The following JPH2 variants were observed in gnomAD, a reference collection of about 807,000 sequenced individuals.
The protein encoded by JPH2 is junctophilin 2.
JPH2 carries 38 observed loss-of-function variants against 55.9 expected under a neutral mutation model. The observed-to-expected ratio is 0.68, with a 90% CI of 0.52 to 0.89. The LOEUF is 0.89. JPH2 is among the 40% of genes least tolerant of loss of function. The pLI is 0.00. For missense variants in JPH2, 964 were observed against 1,037.6 expected (o/e 0.93, Z 0.97); for synonymous variants, 480 against 472.4 (o/e 1.02, Z -0.21).
intron 2 of JPH2, among the ~76,000 whole-genome samples, chr20:44,136,862 T>C (rs1411393708): frequency 2.0e-5 from 3 of 152,214 alleles, no homozygotes; most frequent in Non-Finnish European, 4.4e-5. Context: ...ATGTAAATTG[T>C]GGCATGTGAA....
intron 2 of JPH2, among the ~76,000 whole-genome samples, chr20:44,128,693 T>C (rs1318757491): frequency 6.7e-6 from 1 of 149,828 alleles, no homozygotes; most frequent in Non-Finnish European, 1.5e-5. Flanking sequence ...TTTTTAACAT[T>C]TTTTTTTTAA....
chr20:44,149,669 C>G (rs1007018629), intron 2 of JPH2, among the ~76,000 whole-genome samples: 6 of 152,160 alleles, frequency 3.9e-5, no homozygotes, highest in Admixed American at 3.3e-4. Flanking sequence ...ATTTGTTATA[C>G]AGAGTACTTA....
intron 1 of JPH2, among the ~76,000 whole-genome samples, chr20:44,166,820 A>C (rs2072659088): frequency 6.6e-6 from 1 of 152,160 alleles, no homozygotes; most frequent in Non-Finnish European, 1.5e-5. Flanking sequence ...CTGCAGAAGG[A>C]AGGGCCTCCT....
chr20:44,115,019 TG>T, intron 4 of JPH2, 143 bp from the exon 5 acceptor site: 1 of 711,490 alleles, frequency 1.4e-6, no homozygotes, highest in Non-Finnish European at 2.6e-6. Flanking sequence ...TGCTGTATCC[TG>T]TCACCTGGAT....
At chr20:44,156,283 G>T (rs996451725) in intron 2 of JPH2, among the ~76,000 whole-genome samples, 3 of 152,174 alleles carry the variant, frequency 2.0e-5, no homozygotes, top group African/African-American at 4.8e-5. Flanking sequence ...TTAACAATAG[G>T]GGAAAATGGG....
Position 44,160,077 on chromosome 20 carries a change from G to C in JPH2, c.710C>G (p.Thr237Arg), listed in dbSNP as rs776355870. ...LGKLRRAESR[T>R]SVGSQRSRVS... is the part of the protein sequence containing the mutation. ...ACGGCTGCGCTGGCTACCCACGGAC[G>C]TGCGCGACTCTGCGCGCCGCAGCTT... The change falls in exon 2 of 6, where the codon ACG (threonine) becomes AGG (arginine). Residue 237 changes from threonine (T) to arginine (R), a missense_variant. By Grantham distance (71) the Thr-to-Arg change is moderately conservative. Coordinates refer to ENST00000372980, the MANE Select transcript of JPH2 (RefSeq NM_020433.5). The surrounding 1 kb of genome is among the most constrained non-coding windows in gnomAD (Gnocchi z 4.9). 1 of 1,535,616 alleles carries C rather than the reference G, an allele frequency of 6.5e-7. No individual in the cohort carries two copies. The highest frequency in any genetic ancestry group is 2.4e-5 in the East Asian group (1 of 40,888).
intron 2 of JPH2, among the ~76,000 whole-genome samples, chr20:44,138,310 C>G (rs568420017): frequency 6.6e-6 from 1 of 150,792 alleles, no homozygotes; most frequent in Admixed American, 6.6e-5. Flanking sequence ...GGATTACAGG[C>G]GTGAGCTTTA....
chr20:44,114,565 AGTGTGTGTGTGTGTGTGTGTGTGT>A (rs3037626), intron 5 of JPH2, among the ~76,000 whole-genome samples, 193 bp downstream of exon 5: 6 of 142,004 alleles, frequency 4.2e-5, no homozygotes, highest in East Asian at 2.2e-4. Context: ...TAATGAAGTA[AGTGTGTGTGTGTGTGTGTGTGTGT>A]GTGTGTGTGT....
chr20:44,164,117 C>A (rs557982315), intron 1 of JPH2, among the ~76,000 whole-genome samples: 48 of 152,276 alleles, frequency 3.2e-4, no homozygotes, highest in African/African-American at 1.1e-3. Flanking sequence ...GGGATTTGAA[C>A]TAAGATCCAA....
rs977634935 is a variant in JPH2, at chr20:44,106,785, G to A, written c.*6733C>T. ...TTATTCACTACCACGAGAACGGCAC[G>A]GGAAAGGCTTGCCCCCATGATTCAA... On this transcript the variant is annotated 3_prime_UTR_variant, in exon 6 of 6. Transcript: ENST00000372980. Among the ~76,000 whole-genome samples the A allele has an allele frequency of 5.3e-5, 8 of 151,986 alleles. No homozygotes were observed. The highest frequency in any genetic ancestry group is 2.1e-4 in the South Asian group (1 of 4,806).
rs1175675292 is a variant in JPH2, at chr20:44,133,910, ATACAT to A, written c.1170-15292_1170-15288del. ...TTATTATAAATATATATAAATAAAT[ATACAT>A]TATAATATATAAATATATATTTATT... On this transcript the variant is annotated intron_variant, in intron 2 of 5. Coordinates refer to ENST00000372980, the MANE Select transcript of JPH2 (RefSeq NM_020433.5). Among the ~76,000 whole-genome samples, 2 of 41,950 alleles carry A rather than the reference ATACAT, an allele frequency of 4.8e-5. 1 individual carries two copies. The highest frequency in any genetic ancestry group is 2.1e-4 in the African/African-American group (2 of 9,590). 27.5% of individuals were successfully genotyped at this position (41,950 alleles called of 152,430 possible).
At chr20:44,132,198 G>A (rs1263328397) in intron 2 of JPH2, among the ~76,000 whole-genome samples, 1 of 152,116 alleles carries the variant, frequency 6.6e-6, no homozygotes, top group African/African-American at 2.4e-5. Context: ...GTTAAATCAG[G>A]TAGCAAGGTG....
chr20:44,166,507 G>C (rs560961990), intron 1 of JPH2, among the ~76,000 whole-genome samples: 1 of 152,338 alleles, frequency 6.6e-6, no homozygotes, highest in East Asian at 1.9e-4. Context: ...GAGATGGGCT[G>C]ATGTAGTCCC....
At chr20:44,136,587 GAGA>G (rs1349113711) in intron 2 of JPH2, among the ~76,000 whole-genome samples, 3 of 152,234 alleles carry the variant, frequency 2.0e-5, no homozygotes, top group Admixed American at 1.3e-4. Context: ...CTTTGCAGGT[GAGA>G]AGATTATATA....
chr20:44,177,573 A>G, intron 1 of JPH2: 1 of 1,154,908 alleles, frequency 8.7e-7, no homozygotes, highest in Non-Finnish European at 1.1e-6. Flanking sequence ...GAAGCTGCCA[A>G]GACAGCAGCT....
rs2072129712 is a variant in JPH2 at position 44,109,859 on chromosome 20, A to G, written c.*3659T>C. Among the ~76,000 whole-genome samples, 1 of 152,044 alleles carries G rather than the reference A, an allele frequency of 6.6e-6. No homozygotes were observed. The highest frequency in any genetic ancestry group is 2.4e-5 in the African/African-American group (1 of 41,376). The stretch of plus-strand genomic sequence containing the variant: ...AAACTTCCCTTCTTGCCCGAATCCC[A>G]AATCTGACTCCCACGGTTCCTAGGT... On this transcript the variant is annotated 3_prime_UTR_variant, in exon 6 of 6. Coordinates refer to ENST00000372980, the MANE Select transcript of JPH2 (RefSeq NM_020433.5).
chr20:44,152,644 G>A (rs763492582), intron 2 of JPH2, among the ~76,000 whole-genome samples: 2 of 152,198 alleles, frequency 1.3e-5, no homozygotes, highest in African/African-American at 4.8e-5. Flanking sequence ...CAATTACCAA[G>A]ACCCTCCCTG....
At chr20:44,180,104 G>C (rs747571250) in intron 1 of JPH2, among the ~76,000 whole-genome samples, 39 of 152,228 alleles carry the variant, frequency 2.6e-4, no homozygotes, top group Non-Finnish European at 5.0e-4. Flanking sequence ...TGTAGTCACA[G>C]CTACTGAGGA....
At chr20:44,131,398 G>A (rs2072317298) in intron 2 of JPH2, among the ~76,000 whole-genome samples, 1 of 143,406 alleles carries the variant, frequency 7.0e-6, no homozygotes. Flanking sequence ...GAGAGACCCT[G>A]AGCCAGAGGA....
Sources: allele counts gnomAD v4.1 joint callset (sites outside exome capture counted in the v4.1 genomes callset), GRCh38; gene constraint gnomAD v4.1.1; non-coding constraint Gnocchi (gnomAD v3.1); transcripts MANE v1.5; gene names NCBI Gene and HGNC (gene_info 2026-07-23, HGNC 2026-07-21).